The following DLGAP2 variants were observed in gnomAD, a reference collection of about 807,000 sequenced individuals.
DLGAP2 encodes DLG associated protein 2.
A neutral mutation model predicts 100.3 loss-of-function variants in DLGAP2; 26 were observed. The ratio of observed to expected loss-of-function variants is 0.26; its 90% CI spans 0.19 to 0.36. The LOEUF is 0.36. DLGAP2 is among the 10% of genes least tolerant of loss of function. The probability of loss-of-function intolerance (pLI) is 1.00; values close to 1 mark genes in which losing one functional copy is unlikely to be tolerated. For synonymous variants in DLGAP2, 886 were observed against 630.1 expected (o/e 1.41, Z -6.08); for missense variants, 1,858 against 1,453.2 (o/e 1.28, Z -4.53).
intron 4 of DLGAP2, among the ~76,000 whole-genome samples, chr8:1,538,232 A>C (rs745873593): frequency 6.6e-6 from 1 of 152,064 alleles, no homozygotes; most frequent in African/African-American, 2.4e-5. Flanking sequence ...TTTTATCACT[A>C]TCTGCATCCA....
intron 3 of DLGAP2, among the ~76,000 whole-genome samples, chr8:1,352,932 G>A (rs772107479): frequency 2.6e-5 from 4 of 152,282 alleles, no homozygotes; most frequent in East Asian, 1.9e-4. Flanking sequence ...GCCTGCCATT[G>A]GGGTGCTCTT....
At chr8:1,408,054 G>A (rs568576339) in intron 3 of DLGAP2, among the ~76,000 whole-genome samples, 2 of 152,352 alleles carry the variant, frequency 1.3e-5, no homozygotes, top group East Asian at 3.9e-4. Flanking sequence ...AATGCCTCCA[G>A]ATAGTGCCAA....
chr8:1,307,164 C>G (rs1800510599), intron 3 of DLGAP2, among the ~76,000 whole-genome samples: 1 of 131,078 alleles, frequency 7.6e-6, no homozygotes, highest in Non-Finnish European at 1.6e-5. Context: ...GGACTGATAC[C>G]TACACTATTT....
chr8:957,156 G>A (rs1799614809), intron 2 of DLGAP2, among the ~76,000 whole-genome samples: 1 of 152,214 alleles, frequency 6.6e-6, no homozygotes, highest in African/African-American at 2.4e-5. Flanking sequence ...GCCTTTAGCT[G>A]GCTTCGGAGA....
chr8:941,965 G>T (rs552012712), intron 2 of DLGAP2, among the ~76,000 whole-genome samples: 56 of 152,250 alleles, frequency 3.7e-4, no homozygotes, highest in African/African-American at 1.3e-3. Flanking sequence ...TGCATCATCA[G>T]TGGGAATGTT....
intron 2 of DLGAP2, among the ~76,000 whole-genome samples, chr8:1,010,421 T>C (rs1396340216): frequency 4.6e-5 from 7 of 152,198 alleles, no homozygotes; most frequent in African/African-American, 7.2e-5. Context: ...TACACACATG[T>C]GCCCACATAT....
At chr8:1,085,015 C>A (rs1803928994) in intron 2 of DLGAP2, among the ~76,000 whole-genome samples, 1 of 152,208 alleles carries the variant, frequency 6.6e-6, no homozygotes, top group South Asian at 2.1e-4. Context: ...TTCTCCACAT[C>A]AAAAACTCTT....
chr8:1,462,828 C>T (rs4419835), intron 3 of DLGAP2, among the ~76,000 whole-genome samples: 74,281 of 152,136 alleles, frequency 0.49, 18,677 homozygotes, highest in East Asian at 0.84. Context: ...CACACGGCGG[C>T]GGCTTCTGAT....
Position 1,701,334 on chromosome 8 carries a change from C to G in DLGAP2, c.3096C>G (p.Phe1032Leu), listed in dbSNP as rs767887492. Reference sequence around the variant, plus strand: ...TGGCCGCCAAGCGAGCGGCGTCCTTCCGGCAGAATTCCGCCTCCGAGCGCG... The same window carrying G: ...TGGCCGCCAAGCGAGCGGCGTCCTTGCGGCAGAATTCCGCCTCCGAGCGCG... ...RLMAAKRAASFRQNSASERAD... is the reference protein window; with the variant it reads ...RLMAAKRAASLRQNSASERAD... Residue 1032 changes from phenylalanine to leucine, a missense_variant, in exon 15 of 15, where the codon TTC becomes TTG. Transcript: ENST00000637795. 1 of 1,593,088 alleles carries G rather than the reference C, an allele frequency of 6.3e-7. No individual in the cohort carries two copies. The highest frequency in any genetic ancestry group is 1.1e-5 in the South Asian group (1 of 87,732).
intron 2 of DLGAP2, among the ~76,000 whole-genome samples, chr8:1,039,842 ATGTTCAGCTCGGTGTGCG>A (rs1194665303): frequency 3.0e-4 from 20 of 67,796 alleles, no homozygotes; most frequent in Non-Finnish European, 1.5e-4. Context: ...CTCGGTGTGC[ATGTTCAGCTCGGTGTGCG>A]TGGTCGGCTC....
chr8:1,154,725 G>A (rs984971311), intron 2 of DLGAP2, among the ~76,000 whole-genome samples: 2 of 152,128 alleles, frequency 1.3e-5, no homozygotes, highest in Non-Finnish European at 2.9e-5. Context: ...TTTTCTCCCG[G>A]AGTCGGTCAG....
intron 1 of DLGAP2, among the ~76,000 whole-genome samples, chr8:755,269 G>C (rs781485563): frequency 6.6e-5 from 10 of 152,048 alleles, no homozygotes; most frequent in Admixed American, 2.0e-4. Flanking sequence ...GACAAGCTTG[G>C]GCAACGTGGC....
intron 1 of DLGAP2, among the ~76,000 whole-genome samples, chr8:855,272 A>G (rs886078624): frequency 6.6e-6 from 1 of 152,120 alleles, no homozygotes; most frequent in African/African-American, 2.4e-5. Context: ...GTGTATTCCC[A>G]TGGGCACTTT....
chr8:1,266,644 C>G (rs1799456525), intron 3 of DLGAP2, among the ~76,000 whole-genome samples: 1 of 152,162 alleles, frequency 6.6e-6, no homozygotes, highest in African/African-American at 2.4e-5. Context: ...TCTCAGTCAC[C>G]ACGCACTGAC....
At chr8:1,312,535 G>C (rs1269530730) in intron 3 of DLGAP2, among the ~76,000 whole-genome samples, 9 of 152,154 alleles carry the variant, frequency 5.9e-5, no homozygotes, top group Admixed American at 5.9e-4. Flanking sequence ...TGGGGGCTTG[G>C]GGGAGAGGGA....
At chr8:1,538,885 CT>C (rs11285812) in intron 4 of DLGAP2, among the ~76,000 whole-genome samples, 63,864 of 110,100 alleles carry the variant, frequency 0.58, 17,897 homozygotes, top group South Asian at 0.71. Context: ...TGTCACTCAT[CT>C]TTTTTTTTTT....
At chr8:1,687,661 T>G (rs1799150215) in intron 12 of DLGAP2, among the ~76,000 whole-genome samples, 1 of 152,212 alleles carries the variant, frequency 6.6e-6, no homozygotes, top group Non-Finnish European at 1.5e-5. Flanking sequence ...ATACCAAGAT[T>G]TTGCCCATGT....
chr8:1,687,809 G>C (rs745328208), intron 12 of DLGAP2, among the ~76,000 whole-genome samples: 1 of 152,198 alleles, frequency 6.6e-6, no homozygotes. Context: ...ATTACAGTTT[G>C]AGGAAGCATA....
chr8:1,411,437 C>G (rs1353502710), intron 3 of DLGAP2, among the ~76,000 whole-genome samples: 1 of 152,242 alleles, frequency 6.6e-6, no homozygotes, highest in Non-Finnish European at 1.5e-5. Context: ...GCGGTCCTAG[C>G]TGGCCTTTGG....
Sources: allele counts gnomAD v4.1 joint callset (sites outside exome capture counted in the v4.1 genomes callset), GRCh38; gene constraint gnomAD v4.1.1; transcripts MANE v1.5; gene names NCBI Gene and HGNC (gene_info 2026-07-23, HGNC 2026-07-21).